Variants in TBC1D22A observed in about 807,000 individuals in gnomAD.
TBC1D22A encodes the protein TBC1 domain family member 22A.
A neutral mutation model predicts 60.2 loss-of-function variants in TBC1D22A; 38 were observed. The ratio of observed to expected loss-of-function variants is 0.63; its 90% CI spans 0.49 to 0.83. TBC1D22A has a LOEUF of 0.83. Among genes scored for constraint, TBC1D22A ranks in the 40% least tolerant of loss-of-function variants. TBC1D22A has a pLI of 0.00. For synonymous variants in TBC1D22A, 302 were observed against 281.7 expected, an observed-to-expected ratio of 1.07 and a Z score of -0.72; for missense variants, 628 against 701.0, an observed-to-expected ratio of 0.90 and a Z score of 1.18.
At chr22:47,119,071 C>A (rs374154816) in intron 12 of TBC1D22A, among the ~76,000 whole-genome samples, 27 of 152,264 alleles carry the variant, frequency 1.8e-4, no homozygotes, top group South Asian at 8.3e-4. Context: ...ATCGTTTGAA[C>A]CAGGGAGGCA....
At chr22:46,815,255 CAG>C (rs1318702807) in intron 4 of TBC1D22A, among the ~76,000 whole-genome samples, 1 of 152,290 alleles carries the variant, frequency 6.6e-6, no homozygotes, top group East Asian at 1.9e-4. Flanking sequence ...CGGTGTTAAA[CAG>C]AGCTGTGCGG....
At chr22:47,134,993 A>G (rs2066810365) in intron 12 of TBC1D22A, among the ~76,000 whole-genome samples, 1 of 151,904 alleles carries the variant, frequency 6.6e-6, no homozygotes, top group African/African-American at 2.4e-5. Context: ...CTGGCCACTT[A>G]CCCGCTCCCT....
intron 7 of TBC1D22A, among the ~76,000 whole-genome samples, chr22:46,906,657 C>T (rs2069489412): frequency 6.6e-6 from 1 of 152,170 alleles, no homozygotes; most frequent in Non-Finnish European, 1.5e-5. Flanking sequence ...AGCTCTCCAC[C>T]TACGAGCAAG....
chr22:47,074,661 C>T (rs75845619), intron 11 of TBC1D22A, among the ~76,000 whole-genome samples: 1,742 of 152,322 alleles, frequency 0.011, 30 homozygotes, highest in African/African-American at 0.04. Context: ...GCCACCCCCT[C>T]GGGGACCTGG....
At chr22:46,970,830 G>T (rs367760487) in intron 8 of TBC1D22A, among the ~76,000 whole-genome samples, 4 of 152,110 alleles carry the variant, frequency 2.6e-5, no homozygotes, top group African/African-American at 9.7e-5. Flanking sequence ...CTGCAGTTCC[G>T]CCTGGGCCAT....
intron 12 of TBC1D22A, among the ~76,000 whole-genome samples, chr22:47,140,202 C>T (rs574840501): frequency 2.8e-4 from 42 of 151,636 alleles, no homozygotes; most frequent in Non-Finnish European, 5.4e-4. Context: ...TCTGAATGCG[C>T]GTGCTGAGTC....
At chr22:46,888,384 A>G (rs2068226156) in intron 5 of TBC1D22A, among the ~76,000 whole-genome samples, 1 of 152,230 alleles carries the variant, frequency 6.6e-6, no homozygotes. Context: ...GATGTCTACT[A>G]CAGATGGGGA....
intron 4 of TBC1D22A, among the ~76,000 whole-genome samples, chr22:46,833,712 G>A (rs1290662877): frequency 6.6e-6 from 1 of 152,220 alleles, no homozygotes; most frequent in Non-Finnish European, 1.5e-5. Flanking sequence ...GGAGAGATGG[G>A]ATAATATTCC....
At chr22:47,052,143 A>G (rs1023493210) in intron 11 of TBC1D22A, among the ~76,000 whole-genome samples, 4 of 152,252 alleles carry the variant, frequency 2.6e-5, no homozygotes, top group African/African-American at 9.6e-5. Context: ...GGAGAGCAGC[A>G]GACAGCACAG....
At chr22:47,172,585 G>A (rs930925900) in intron 12 of TBC1D22A, among the ~76,000 whole-genome samples, 2 of 152,140 alleles carry the variant, frequency 1.3e-5, no homozygotes, top group African/African-American at 4.8e-5. Flanking sequence ...AATCCTACCT[G>A]AATTTTAAGA....
chr22:47,108,987 A>G (rs1816159137), intron 11 of TBC1D22A, among the ~76,000 whole-genome samples: 1 of 152,154 alleles, frequency 6.6e-6, no homozygotes, highest in South Asian at 2.1e-4. Context: ...GAGCCACTGC[A>G]CCCGGCCTGA....
intron 8 of TBC1D22A, among the ~76,000 whole-genome samples, chr22:46,967,590 A>G (rs2073863244): frequency 6.6e-6 from 1 of 152,224 alleles, no homozygotes; most frequent in South Asian, 2.1e-4. Flanking sequence ...TCTTACCGAC[A>G]GCGTTTGTGC....
At chr22:46,947,592 G>A (rs1327669003) in intron 8 of TBC1D22A, among the ~76,000 whole-genome samples, 1 of 152,180 alleles carries the variant, frequency 6.6e-6, no homozygotes, top group Non-Finnish European at 1.5e-5. Flanking sequence ...GCCATGGGCT[G>A]CTGCTCCCGC....
rs1228441233 is a variant in TBC1D22A, at chr22:46,907,215, C to T, written c.901-4859C>T. Among the ~76,000 whole-genome samples the T allele has an allele frequency of 3.3e-5, 5 of 152,336 alleles. No individual in the cohort carries two copies. In the East Asian group the frequency reaches 5.8e-4, roughly 18 times the overall value. Reference sequence around the variant, plus strand: ...ATAGAAGGCTCCTCTCCTCCTCCCTCCTCAGCTTTCACTACCCTCTCTTCC... The same window carrying T: ...ATAGAAGGCTCCTCTCCTCCTCCCTTCTCAGCTTTCACTACCCTCTCTTCC... On this transcript the variant is annotated intron_variant, in intron 7 of 12. Coordinates refer to ENST00000337137, the MANE Select transcript of TBC1D22A (RefSeq NM_014346.5).
intron 8 of TBC1D22A, among the ~76,000 whole-genome samples, chr22:46,929,045 A>C (rs2071205061): frequency 6.6e-6 from 1 of 152,158 alleles, no homozygotes; most frequent in African/African-American, 2.4e-5. Flanking sequence ...TGGTTACCCA[A>C]CTTAGTGAAT....
chr22:46,822,426 T>G (rs535321482), intron 4 of TBC1D22A, among the ~76,000 whole-genome samples: 5 of 152,330 alleles, frequency 3.3e-5, no homozygotes, highest in East Asian at 1.9e-4. Context: ...GGGTTTTTTT[T>G]GGGGGACTTT....
chr22:46,818,590 C>T (rs2085697214), intron 4 of TBC1D22A, among the ~76,000 whole-genome samples: 1 of 152,164 alleles, frequency 6.6e-6, no homozygotes, highest in Admixed American at 6.5e-5. Context: ...TCTGAGGTCT[C>T]TGTTCTGCTC....
intron 10 of TBC1D22A, among the ~76,000 whole-genome samples, chr22:46,998,596 T>G: frequency 6.6e-6 from 1 of 152,258 alleles, no homozygotes; most frequent in East Asian, 1.9e-4. Flanking sequence ...TCCCTGCGCC[T>G]TTAGCACAGA....
At chr22:46,989,907 A>T (rs2074873976) in intron 9 of TBC1D22A, among the ~76,000 whole-genome samples, 1 of 151,994 alleles carries the variant, frequency 6.6e-6, no homozygotes. Flanking sequence ...GGCTTAAGTG[A>T]TTCTCCCACC....
Sources: allele counts gnomAD v4.1 joint callset (sites outside exome capture counted in the v4.1 genomes callset), GRCh38; gene constraint gnomAD v4.1.1; transcripts MANE v1.5; gene names NCBI Gene and HGNC (gene_info 2026-07-23, HGNC 2026-07-21).